PXK: variants seen among roughly 807,000 people sequenced by gnomAD.
PXK encodes the protein PX domain containing serine/threonine kinase like, also known as PX domain-containing protein kinase-like protein.
A neutral mutation model predicts 84.7 loss-of-function variants in PXK; 35 were observed. That is an observed-to-expected ratio of 0.41 (90% CI 0.32 to 0.55). PXK has a LOEUF of 0.55. PXK is among the 20% of genes least tolerant of loss of function. PXK has a pLI of 0.21. For missense variants in PXK, 634 were observed against 699.7 expected (o/e 0.91, Z 1.06); for synonymous variants, 253 against 260.8 (o/e 0.97, Z 0.29).
At chr3:58,418,295 A>G (rs968349714) in intron 17 of PXK, among the ~76,000 whole-genome samples, 2 of 152,196 alleles carry the variant, frequency 1.3e-5, no homozygotes, top group Non-Finnish European at 2.9e-5. Context: ...CTTCTTATCC[A>G]GTGTGAGTGG....
In PXK at chr3:58,397,313, C is replaced by A; in HGVS notation, c.984+113C>A. On this transcript the variant is annotated intron_variant, in intron 10 of 17. Coordinates refer to ENST00000356151, the MANE Select transcript of PXK (RefSeq NM_017771.5). This position sits in a 1 kb window ranked among gnomAD's most constrained non-coding sequence, Gnocchi z 4.7. ...TAGTGAAAGGTATAGTTGGGACAGG[C>A]CTTGCCCGTCAGCCCTTGCAGCGTT... The A allele has an allele frequency of 7.8e-7, 1 of 1,288,046 alleles. No homozygotes were observed. Among genetic ancestry groups the A allele is most frequent in the Non-Finnish European group, 1.1e-6 (1 of 916,740 alleles). The allele number at this position is 1,288,046 out of a possible 1,614,324, so 79.8% of individuals were successfully genotyped here.
rs1031431809 is a variant in PXK, at chr3:58,416,025, T to A, written c.1528+3062T>A. ...AAAAATGCTAACTTGCTAGGGGGAG[T>A]GACTTTCTCCAAGCCTCTCAAGAAG... On this transcript the variant is annotated intron_variant, in intron 17 of 17. Transcript: ENST00000356151. The surrounding 1 kb of genome is among the most constrained non-coding windows in gnomAD (Gnocchi z 4.8). Among the ~76,000 whole-genome samples, 3 of 151,780 alleles carry A rather than the reference T, an allele frequency of 2.0e-5. No individual in the cohort carries two copies. Among genetic ancestry groups the A allele is most frequent in the Non-Finnish European group, 2.9e-5 (2 of 67,964 alleles).
chr3:58,352,858 G>A (rs1334501496), intron 1 of PXK, among the ~76,000 whole-genome samples: 3 of 152,296 alleles, frequency 2.0e-5, no homozygotes, highest in Admixed American at 6.5e-5. Context: ...AGCGGAGAGT[G>A]TAGACTTCAA....
chr3:58,339,975 T>G (rs1269506266), intron 1 of PXK, among the ~76,000 whole-genome samples: 2 of 149,080 alleles, frequency 1.3e-5, no homozygotes, highest in Non-Finnish European at 3.0e-5. Flanking sequence ...CCACCATGCC[T>G]GGCTAATTTT....
chr3:58,345,900 A>G (rs1575731601), intron 1 of PXK, among the ~76,000 whole-genome samples: 1 of 152,120 alleles, frequency 6.6e-6, no homozygotes, highest in South Asian at 2.1e-4. Flanking sequence ...CCTCTTCCAG[A>G]CTCTTAGTAA....
At chr3:58,422,896 G>C in intron 17 of PXK, 1 of 985,418 alleles carries the variant, frequency 1.0e-6, no homozygotes, top group Non-Finnish European at 1.2e-6. Flanking sequence ...CTTCTGCCGG[G>C]GGTCAAAGCA....
chr3:58,402,755 C>CT lies in PXK; in HGVS notation c.1182-1090dup, dbSNP rs34514925. Among the ~76,000 whole-genome samples, 1,303 of 130,386 alleles carry CT rather than the reference C, an allele frequency of 1.0e-2. 18 individuals carry two copies. The highest frequency in any genetic ancestry group is 0.03 in the African/African-American group (1,040 of 34,716). The allele number at this position is 130,386 out of a possible 152,430, so 85.5% of individuals were successfully genotyped here. ...CCATGCTATTGTTTTTAATAATATACTTTTTTTTTTTTTTTTTGGTCACAT... is the reference window on the plus strand; with the variant it reads ...CCATGCTATTGTTTTTAATAATATACTTTTTTTTTTTTTTTTTTGGTCACAT... On this transcript the variant is annotated intron_variant, in intron 12 of 17. Coordinates refer to ENST00000356151, the MANE Select transcript of PXK (RefSeq NM_017771.5).
chr3:58,424,804 C>G lies in PXK; in HGVS notation c.1581C>G (p.Pro527=). ...PPPPPPPPAA[P]LPPASTEAPA... ...CACCTCCACCACCACCAGCAGCTCC[C>G]TTGCCTCCTGCGAGCACCGAGGCAC... The change falls in exon 18 of 18, where the codon CCC becomes CCG. Residue 527 remains proline, a synonymous_variant. Transcript: ENST00000356151. The G allele has an allele frequency of 6.2e-7, 1 of 1,614,178 alleles. No individual in the cohort carries two copies. The highest frequency in any genetic ancestry group is 1.7e-5 in the Admixed American group (1 of 60,028).
intron 1 of PXK, among the ~76,000 whole-genome samples, chr3:58,344,438 A>G (rs900600150): frequency 6.6e-6 from 1 of 152,238 alleles, no homozygotes; most frequent in Non-Finnish European, 1.5e-5. Flanking sequence ...ACCCTGGAGT[A>G]ACACGTTTTG....
At chr3:58,340,590 G>T (rs1302314835) in intron 1 of PXK, among the ~76,000 whole-genome samples, 1 of 152,078 alleles carries the variant, frequency 6.6e-6, no homozygotes, top group Non-Finnish European at 1.5e-5. Flanking sequence ...GCCAGGCGTG[G>T]TGGCGCATGC....
At chr3:58,351,721 T>G (rs569623971) in intron 1 of PXK, among the ~76,000 whole-genome samples, 2 of 152,156 alleles carry the variant, frequency 1.3e-5, no homozygotes, top group African/African-American at 4.8e-5. Context: ...GGGCATAGAA[T>G]CTAGGACAAC....
Position 58,399,457 on chromosome 3 carries a change from G to GT in PXK, c.1181+81dup. 7.0e-7 allele frequency: 1 copy of GT among 1,425,750 alleles called. No homozygotes were observed. The highest frequency in any genetic ancestry group is 9.8e-7 in the Non-Finnish European group (1 of 1,019,558). 88.3% of individuals were successfully genotyped at this position (1,425,750 alleles called of 1,614,324 possible). On this transcript the variant is annotated intron_variant, in intron 12 of 17. Transcript: ENST00000356151. This position sits in a 1 kb window ranked among gnomAD's most constrained non-coding sequence, Gnocchi z 4.3. ...CCACTGTGTCCAAGCACCTGGTACT[G>GT]TAGTAAAGATTCTTGCGGTCCCTGC... is the stretch of plus-strand genomic sequence containing the variant.
intron 1 of PXK, among the ~76,000 whole-genome samples, chr3:58,356,455 T>G (rs2098082180): frequency 2.0e-5 from 3 of 152,180 alleles, no homozygotes; most frequent in Admixed American, 2.0e-4. Flanking sequence ...AAGATGGGAA[T>G]GATTCATTGG....
At chr3:58,351,945 T>A (rs2108058189) in intron 1 of PXK, among the ~76,000 whole-genome samples, 1 of 152,344 alleles carries the variant, frequency 6.6e-6, no homozygotes, top group African/African-American at 2.4e-5. Context: ...GTTACAAAGC[T>A]GGCCATTGTG....
intron 1 of PXK, among the ~76,000 whole-genome samples, chr3:58,362,991 T>C (rs1156273938): frequency 2.0e-5 from 3 of 152,196 alleles, no homozygotes; most frequent in African/African-American, 7.2e-5. Context: ...GCTCAGATTA[T>C]AGTCATGAGC....
At position 58,335,259 on chromosome 3, in the gene PXK, G is replaced by T. The variant is rs1222207490; in HGVS notation, c.102+2169G>T. 2.6e-5 allele frequency among the ~76,000 whole-genome samples: 4 copies of T among 152,150 alleles called. No homozygotes were observed. In the East Asian group the frequency reaches 7.7e-4, roughly 29 times the overall value. ...GGGATGACTGACCACAAAAGACAGT[G>T]ACTCACAGGAGACCCATAGAGGCAG... On this transcript the variant is annotated intron_variant, in intron 1 of 17. Transcript: ENST00000356151.
chr3:58,348,473 A>G (rs1017011111), intron 1 of PXK, among the ~76,000 whole-genome samples: 1 of 152,248 alleles, frequency 6.6e-6, no homozygotes, highest in South Asian at 2.1e-4. Flanking sequence ...GTCCAATGGA[A>G]GTATAATGCT....
Position 58,403,479 on chromosome 3 carries a change from CT to C in PXK, c.1182-382del, listed in dbSNP as rs375559048. ...ACTGAACTCTAGAATAAATTTTATC[CT>C]CTTCTGAGGCAAGAAAAATAGCAGA... On this transcript the variant is annotated intron_variant, in intron 12 of 17. Coordinates refer to ENST00000356151, the MANE Select transcript of PXK (RefSeq NM_017771.5). Among the ~76,000 whole-genome samples the C allele has an allele frequency of 8.0e-4, 122 of 152,272 alleles. 2 individuals carry two copies. Among genetic ancestry groups the C allele is most frequent in the African/African-American group, 2.6e-3 (110 of 41,532 alleles).
chr3:58,415,533 C>G (rs2060825427), intron 17 of PXK, among the ~76,000 whole-genome samples: 1 of 152,250 alleles, frequency 6.6e-6, no homozygotes, highest in Non-Finnish European at 1.5e-5. Context: ...TCAGGAACCT[C>G]CGCATGTTCA....
Sources: allele counts gnomAD v4.1 joint callset (sites outside exome capture counted in the v4.1 genomes callset), GRCh38; gene constraint gnomAD v4.1.1; non-coding constraint Gnocchi (gnomAD v3.1); transcripts MANE v1.5; gene names NCBI Gene and HGNC (gene_info 2026-07-23, HGNC 2026-07-21).